CDH18: variants seen among roughly 807,000 people sequenced by gnomAD.
CDH18 encodes the protein cadherin 18, also known as cadherin-18.
A neutral mutation model predicts 67.9 loss-of-function variants in CDH18; 31 were observed. The observed-to-expected ratio is 0.46, with a 90% CI of 0.34 to 0.62. CDH18 has a LOEUF of 0.62. CDH18 is among the 20% of genes least tolerant of loss of function. The probability of loss-of-function intolerance (pLI) is 0.01; values close to 1 mark genes in which losing one functional copy is unlikely to be tolerated. For synonymous variants in CDH18, 362 were observed against 347.2 expected (o/e 1.04, Z -0.48); for missense variants, 890 against 975.5 (o/e 0.91, Z 1.17).
At chr5:20,232,437 A>C (rs1742149343) in intron 2 of CDH18, among the ~76,000 whole-genome samples, 1 of 152,154 alleles carries the variant, frequency 6.6e-6, no homozygotes. Flanking sequence ...CTAACTTTAA[A>C]TTACAGTTAT....
intron 2 of CDH18, among the ~76,000 whole-genome samples, chr5:20,153,000 T>C (rs1751243189): frequency 6.8e-6 from 1 of 147,628 alleles, no homozygotes; most frequent in Non-Finnish European, 1.5e-5. Context: ...TGGAGTGCAG[T>C]GGTGAGATCT....
intron 10 of CDH18, among the ~76,000 whole-genome samples, chr5:19,512,174 A>G (rs1324142992): frequency 2.0e-5 from 3 of 152,212 alleles, no homozygotes; most frequent in African/African-American, 7.2e-5. Flanking sequence ...CAGACTACAT[A>G]GGTAGCATGG....
intron 2 of CDH18, among the ~76,000 whole-genome samples, chr5:19,971,828 G>A (rs574079757): frequency 2.7e-5 from 4 of 149,138 alleles, no homozygotes; most frequent in African/African-American, 7.5e-5. Context: ...AACGTAACTT[G>A]TGCCTCTAAA....
chr5:20,086,874 T>C (rs1268554029), intron 2 of CDH18, among the ~76,000 whole-genome samples: 3 of 152,176 alleles, frequency 2.0e-5, no homozygotes, highest in Non-Finnish European at 2.9e-5. Context: ...TAACACAACA[T>C]CCATTCTGCA....
In CDH18 at chr5:20,310,182, G is replaced by A. The variant is rs77112196; in HGVS notation, c.-579-54677C>T. On this transcript the variant is annotated intron_variant, in intron 1 of 14. Transcript: ENST00000507958. ...TACATTAAAATAGTGGGTGTTCTACGAGGTTTAACTCATTTTTCTCCTTTA... is the reference window on the plus strand; with the variant it reads ...TACATTAAAATAGTGGGTGTTCTACAAGGTTTAACTCATTTTTCTCCTTTA... Among the ~76,000 whole-genome samples the A allele has an allele frequency of 6.6e-3, 1,006 of 152,228 alleles. 24 individuals carry two copies. The East Asian group carries it at 0.082, about 12-fold the overall frequency.
rs561134310 is a variant in CDH18 at position 19,599,035 on chromosome 5, A to T, written c.812-7791T>A. ...GTTTTATCACTAAAATAATTTTTTT[A>T]AAAATCATATGACTCAATTGATAAT... On this transcript the variant is annotated intron_variant, in intron 6 of 12. Transcript: ENST00000382275. Among the ~76,000 whole-genome samples the T allele has an allele frequency of 7.2e-4, 109 of 152,290 alleles. 3 individuals carry two copies. In the South Asian group the frequency reaches 0.021, roughly 29 times the overall value.
At chr5:20,366,674 G>A (rs115781627) in intron 1 of CDH18, among the ~76,000 whole-genome samples, 88 of 152,260 alleles carry the variant, frequency 5.8e-4, no homozygotes, top group African/African-American at 2.0e-3. Context: ...CATCAACAGA[G>A]TTGTTGTAAA....
At chr5:20,423,855 G>A (rs1447735753) in intron 1 of CDH18, among the ~76,000 whole-genome samples, 2 of 145,766 alleles carry the variant, frequency 1.4e-5, no homozygotes, top group Non-Finnish European at 3.0e-5. Flanking sequence ...GCTGAGGCAG[G>A]AGAATGGCAT....
chr5:20,374,791 A>G (rs752332586), intron 1 of CDH18, among the ~76,000 whole-genome samples: 7 of 152,218 alleles, frequency 4.6e-5, no homozygotes, highest in Admixed American at 2.0e-4. Context: ...AAATTAATAT[A>G]AAAATATATC....
intron 6 of CDH18, among the ~76,000 whole-genome samples, chr5:19,602,460 A>AAC (rs143426499): frequency 0.02 from 3,014 of 150,772 alleles, 86 homozygotes; most frequent in African/African-American, 0.06. Flanking sequence ...AACACTGCAA[A>AAC]ACACACACAC....
chr5:19,650,494 G>A (rs1348339337), intron 5 of CDH18, among the ~76,000 whole-genome samples: 1 of 151,946 alleles, frequency 6.6e-6, no homozygotes, highest in African/African-American at 2.4e-5. Flanking sequence ...ATTAATAATA[G>A]GAACCAAATT....
intron 3 of CDH18, among the ~76,000 whole-genome samples, chr5:19,797,177 GA>G (rs1455668274): frequency 6.6e-6 from 1 of 151,810 alleles, no homozygotes; most frequent in Non-Finnish European, 1.5e-5. Flanking sequence ...GGTAGATTTT[GA>G]AAGTAAAATA....
At chr5:20,225,191 T>G (rs1741519454) in intron 2 of CDH18, among the ~76,000 whole-genome samples, 1 of 152,110 alleles carries the variant, frequency 6.6e-6, no homozygotes, top group Admixed American at 6.6e-5. Context: ...TGTACCTTAT[T>G]TCTCTGTTGT....
intron 5 of CDH18, among the ~76,000 whole-genome samples, chr5:19,629,770 T>G (rs1752128894): frequency 6.6e-6 from 1 of 152,128 alleles, no homozygotes; most frequent in Non-Finnish European, 1.5e-5. Flanking sequence ...AATAAGAGGT[T>G]GACTATATAA....
At chr5:19,729,269 C>T (rs1380981880) in intron 4 of CDH18, among the ~76,000 whole-genome samples, 1 of 152,062 alleles carries the variant, frequency 6.6e-6, no homozygotes, top group Admixed American at 6.6e-5. Context: ...CTGTTATAAG[C>T]CATTGAATTT....
At chr5:20,315,702 A>G (rs1272623184) in intron 1 of CDH18, among the ~76,000 whole-genome samples, 1 of 152,096 alleles carries the variant, frequency 6.6e-6, no homozygotes, top group Non-Finnish European at 1.5e-5. Flanking sequence ...TCTAACACTC[A>G]TCCTCTAGAT....
chr5:20,469,548 G>A (rs865864726), intron 1 of CDH18, among the ~76,000 whole-genome samples: 2 of 151,988 alleles, frequency 1.3e-5, no homozygotes, highest in Non-Finnish European at 2.9e-5. Context: ...TTGCTGTAAC[G>A]GATACCCCGA....
At chr5:19,887,129 T>C (rs187026347) in intron 2 of CDH18, among the ~76,000 whole-genome samples, 10 of 151,774 alleles carry the variant, frequency 6.6e-5, no homozygotes, top group Non-Finnish European at 8.8e-5. Flanking sequence ...AAGAGAAGAA[T>C]GGCTAAAAAT....
chr5:20,322,655 A>C (rs557260810), intron 1 of CDH18, among the ~76,000 whole-genome samples: 1 of 152,248 alleles, frequency 6.6e-6, no homozygotes, highest in Non-Finnish European at 1.5e-5. Flanking sequence ...CTCTCTTGTA[A>C]AATTCAAGAT....
Sources: gnomAD v4.1 joint callset for allele counts (sites outside exome capture counted in the v4.1 genomes callset) on GRCh38, gnomAD v4.1.1 for gene constraint, MANE v1.5 for transcripts, NCBI Gene and HGNC (gene_info 2026-07-23, HGNC 2026-07-21) for gene names.